RALYL: variants seen among roughly 807,000 people sequenced by gnomAD.
RALYL encodes the protein RNA-binding Raly-like protein.
In RALYL, 29 loss-of-function variants were observed where a neutral mutation model predicts 35.1. The observed-to-expected ratio is 0.83, with a 90% CI of 0.61 to 1.13. The LOEUF (loss-of-function observed/expected upper bound fraction) is 1.13. Ranked by LOEUF, RALYL falls within the 50% of genes most tolerant of loss-of-function variation. The probability of loss-of-function intolerance (pLI) is 0.00; values close to 1 mark genes in which losing one functional copy is unlikely to be tolerated. For missense variants in RALYL, 359 were observed against 360.4 expected, an observed-to-expected ratio of 1.00 and a Z score of 0.03; for synonymous variants, 120 against 127.6, an observed-to-expected ratio of 0.94 and a Z score of 0.40.
chr8:84,569,289 A>G (rs1203835193), intron 2 of RALYL, among the ~76,000 whole-genome samples: 2 of 152,012 alleles, frequency 1.3e-5, no homozygotes, highest in South Asian at 2.1e-4. Context: ...TCCCAGCACC[A>G]TTTATTAAAT....
chr8:84,420,316 ATG>A (rs1282600239), intron 1 of RALYL, among the ~76,000 whole-genome samples: 7 of 152,114 alleles, frequency 4.6e-5, no homozygotes, highest in African/African-American at 1.2e-4. Context: ...GCATTTTTTC[ATG>A]TGTTTTTTGG....
At chr8:84,367,330 T>TTG (rs1854621801) in intron 1 of RALYL, among the ~76,000 whole-genome samples, 15 of 24,982 alleles carry the variant, frequency 6.0e-4, no homozygotes, top group African/African-American at 4.9e-3. Flanking sequence ...TTTTTTTTTT[T>TTG]TTTTTTTTTT....
chr8:84,558,180 G>T (rs2061256545), intron 2 of RALYL, among the ~76,000 whole-genome samples: 3 of 152,098 alleles, frequency 2.0e-5, no homozygotes, highest in African/African-American at 7.2e-5. Context: ...GGGTTAGCAA[G>T]AATTGTACTT....
chr8:84,578,668 G>A (rs530318451), intron 2 of RALYL, among the ~76,000 whole-genome samples: 4 of 152,154 alleles, frequency 2.6e-5, no homozygotes, highest in South Asian at 2.1e-4. Flanking sequence ...CTATCCACAG[G>A]CACGTTGTCC....
chr8:84,374,240 T>C (rs1311614660), intron 1 of RALYL, among the ~76,000 whole-genome samples: 1 of 152,016 alleles, frequency 6.6e-6, no homozygotes, highest in East Asian at 1.9e-4. Context: ...CTTCCAATAC[T>C]ATCATGAATA....
chr8:84,498,956 G>GA (rs2056377000), intron 1 of RALYL, among the ~76,000 whole-genome samples: 1 of 151,908 alleles, frequency 6.6e-6, no homozygotes, highest in Non-Finnish European at 1.5e-5. Context: ...AGGAAATAAA[G>GA]GAAAAAGTGA....
rs181871328 is a variant in RALYL, at chr8:84,343,100, G to A, written c.-24+158676G>A. Among the ~76,000 whole-genome samples the A allele has an allele frequency of 5.7e-3, 862 of 152,012 alleles. 8 individuals are homozygous for A. The highest frequency in any genetic ancestry group is 6.0e-3 in the Non-Finnish European group (411 of 67,960). Reference sequence around the variant, plus strand: ...CTATTAAAGAATAATTTTTATCAAAGGAGTATATTTTAAAGATTTAGTTCT... The same window carrying A: ...CTATTAAAGAATAATTTTTATCAAAAGAGTATATTTTAAAGATTTAGTTCT... On this transcript the variant is annotated intron_variant, in intron 1 of 8. Coordinates refer to ENST00000521268, the MANE Select transcript of RALYL (RefSeq NM_173848.7).
chr8:84,241,502 G>T (rs139819035), intron 1 of RALYL, among the ~76,000 whole-genome samples: 42 of 152,172 alleles, frequency 2.8e-4, no homozygotes, highest in African/African-American at 8.4e-4. Context: ...GGAGGGCCTG[G>T]CGCGGTGGCT....
At chr8:84,584,410 C>T (rs1811530315) in intron 2 of RALYL, among the ~76,000 whole-genome samples, 1 of 152,068 alleles carries the variant, frequency 6.6e-6, no homozygotes. Context: ...AGAGACCACC[C>T]TGGCCAACAT....
At chr8:84,458,516 A>G (rs939783202) in intron 1 of RALYL, among the ~76,000 whole-genome samples, 1 of 151,812 alleles carries the variant, frequency 6.6e-6, no homozygotes, top group Non-Finnish European at 1.5e-5. Flanking sequence ...TTGGACTCAC[A>G]TGATACTGTG....
chr8:84,701,008 T>C (rs1840086820), intron 2 of RALYL, among the ~76,000 whole-genome samples: 1 of 152,120 alleles, frequency 6.6e-6, no homozygotes, highest in Non-Finnish European at 1.5e-5. Flanking sequence ...AGAATTTATC[T>C]CTAAGAGGAG....
At chr8:84,902,127 CAAAGA>C (rs1845797613) in intron 8 of RALYL, among the ~76,000 whole-genome samples, 1 of 152,080 alleles carries the variant, frequency 6.6e-6, no homozygotes, top group Non-Finnish European at 1.5e-5. Context: ...CGGTAACTTA[CAAAGA>C]AAAGAGGTGT....
chr8:84,554,204 T>A (rs955338925), intron 2 of RALYL, among the ~76,000 whole-genome samples: 5 of 152,200 alleles, frequency 3.3e-5, no homozygotes, highest in African/African-American at 1.2e-4. Flanking sequence ...GGCAACAATG[T>A]TCTATCATTA....
chr8:84,300,501 T>A (rs1431999005), intron 1 of RALYL, among the ~76,000 whole-genome samples: 1 of 152,046 alleles, frequency 6.6e-6, no homozygotes, highest in Non-Finnish European at 1.5e-5. Flanking sequence ...TTTGTTAGAT[T>A]TCTGCGTTGG....
At chr8:84,443,649 C>T (rs2048566665) in intron 1 of RALYL, among the ~76,000 whole-genome samples, 1 of 152,052 alleles carries the variant, frequency 6.6e-6, no homozygotes. Context: ...CCTGTAGGAG[C>T]CAGGCATGAG....
chr8:84,269,597 G>T (rs568581937), intron 1 of RALYL, among the ~76,000 whole-genome samples: 1 of 152,228 alleles, frequency 6.6e-6, no homozygotes, highest in East Asian at 1.9e-4. Flanking sequence ...TAAGTTTAAT[G>T]AATCATTCAG....
intron 2 of RALYL, among the ~76,000 whole-genome samples, chr8:84,549,836 C>T (rs2060600691): frequency 6.6e-6 from 1 of 152,172 alleles, no homozygotes; most frequent in Non-Finnish European, 1.5e-5. Flanking sequence ...AATTCACACA[C>T]AGATTTTTTT....
intron 1 of RALYL, among the ~76,000 whole-genome samples, chr8:84,304,866 T>C (rs770290216): frequency 6.6e-6 from 1 of 152,226 alleles, no homozygotes; most frequent in Non-Finnish European, 1.5e-5. Flanking sequence ...ATATTTATTC[T>C]GGAGAATTCT....
At chr8:84,417,722 C>T (rs368319596) in intron 1 of RALYL, among the ~76,000 whole-genome samples, 18 of 152,018 alleles carry the variant, frequency 1.2e-4, no homozygotes, top group Middle Eastern at 3.4e-3. Flanking sequence ...ATATCAGGGA[C>T]GAGGAGACAA....
Sources: allele counts gnomAD v4.1 joint callset (sites outside exome capture counted in the v4.1 genomes callset), GRCh38; gene constraint gnomAD v4.1.1; transcripts MANE v1.5; gene names NCBI Gene and HGNC (gene_info 2026-07-23, HGNC 2026-07-21).